Variants in NOL6 observed in about 807,000 individuals in gnomAD.
NOL6 encodes nucleolar protein 6, also known as nucleolar RNA-associated protein.
Under a neutral mutation model 131.7 loss-of-function variants are expected in NOL6, and 33 were observed. The ratio of observed to expected loss-of-function variants is 0.25; its 90% confidence interval spans 0.19 to 0.33. NOL6 has a LOEUF of 0.33. Among genes scored for constraint, NOL6 ranks in the 10% least tolerant of loss-of-function variants. The probability of loss-of-function intolerance (pLI) is 1.00; values close to 1 mark genes in which losing one functional copy is unlikely to be tolerated. For synonymous variants in NOL6, 580 were observed against 605.7 expected (o/e 0.96, Z 0.62); for missense variants, 1,297 against 1,494.5 (o/e 0.87, Z 2.18).
In NOL6 at chr9:33,465,330, C is replaced by A; in HGVS notation, c.2558G>T (p.Gly853Val). 1 of 1,592,988 alleles carries A rather than the reference C, an allele frequency of 6.3e-7. No individual in the cohort carries two copies. ...GLQQQHPAFS[G>V]VARLAKRWVR... Reference sequence around the variant, plus strand: ...CCACCGCTTGGCCAGCCGTGCCACACCAGAGAAGGCTGGGTGCTGCTGCTG... The same window carrying A: ...CCACCGCTTGGCCAGCCGTGCCACAACAGAGAAGGCTGGGTGCTGCTGCTG... The change falls in exon 20 of 26, where the codon GGT becomes GTT. Residue 853 changes from glycine to valine, a missense_variant. Transcript: ENST00000297990.
Position 33,472,213 on chromosome 9 carries a change from C to T in NOL6, c.254G>A (p.Arg85His), listed in dbSNP as rs370047243. 1.3e-4 allele frequency: 216 copies of T among 1,614,208 alleles called. 1 individual carries two copies. The South Asian group carries it at 1.4e-3, about 10-fold the overall frequency. The change falls in exon 2 of 26, where the codon CGT becomes CAT. Residue 85 changes from arginine to histidine, a missense_variant. Physicochemically the swap from Arg to His is conservative, Grantham distance 29 (BLOSUM62 0). Coordinates refer to ENST00000297990, the MANE Select transcript of NOL6 (RefSeq NM_022917.5). ...TEILFHSSLL[R>H]LQVEELLKEV... ...GCAGACACTCAACAGTACCTGTAAACGAAGCAAGCTGGAGTGGAACAAGAT... is the reference window on the plus strand; with the variant it reads ...GCAGACACTCAACAGTACCTGTAAATGAAGCAAGCTGGAGTGGAACAAGAT...
At chr9:33,468,650 T>G in intron 8 of NOL6, 84 bp from the exon 9 acceptor site, 1 of 1,608,584 alleles carries the variant, frequency 6.2e-7, no homozygotes. Flanking sequence ...CGATTCAGTT[T>G]GCTCATCTGT....
At chr9:33,470,283 G>A in intron 3 of NOL6, 92 bp from the exon 4 acceptor site, 1 of 1,141,890 alleles carries the variant, frequency 8.8e-7, no homozygotes, top group Non-Finnish European at 1.2e-6. Context: ...ACATCGATAT[G>A]TTTGAAACCA....
chr9:33,465,827 G>A lies in NOL6; in HGVS notation c.2435C>T (p.Pro812Leu), dbSNP rs1827224121. The change falls in exon 19 of 26, where the codon CCA (proline) becomes CTA (leucine). Residue 812 changes from proline (P) to leucine (L), a missense_variant. Coordinates refer to ENST00000297990, the MANE Select transcript of NOL6 (RefSeq NM_022917.5). ...GTCCCTCAGCGAGATCATCCCCTCTGGGCTCTGCACCTCCTTCAGGATCTG... is the reference window on the plus strand; with the variant it reads ...GTCCCTCAGCGAGATCATCCCCTCTAGGCTCTGCACCTCCTTCAGGATCTG... ...EPQILKEVQS[P>L]EGMISLRDTA... The A allele has an allele frequency of 6.2e-7, 1 of 1,614,128 alleles. No homozygotes were observed.
At chr9:33,470,242 T>C (rs577926244) in intron 3 of NOL6, 51 bp from the exon 4 acceptor site, 3 of 1,422,994 alleles carry the variant, frequency 2.1e-6, no homozygotes, top group African/African-American at 1.4e-5. Context: ...CTTCCTCACA[T>C]GTACCCTTTA....
rs970104140 is a variant in NOL6 at position 33,463,816 on chromosome 9, T to G, written c.2994+15A>C. On this transcript the variant is annotated intron_variant, in intron 23 of 25. Transcript: ENST00000297990. ...TCCCCAGAGGCCCTGGAGTCACTGC[T>G]GGTCAGAAGCTTACCCTGATGTCCC... 6.2e-7 allele frequency: 1 copy of G among 1,613,472 alleles called. No individual in the cohort carries two copies. Among genetic ancestry groups the G allele is most frequent in the African/African-American group, 1.3e-5 (1 of 74,920 alleles).
rs1194584047 is a variant in NOL6 at position 33,466,184 on chromosome 9, C to T, written c.2251G>A (p.Ala751Thr). Reference protein sequence around the residue: ...LEGSGQWPQDAEAVQRVRAAF... With the variant: ...LEGSGQWPQDTEAVQRVRAAF... The stretch of plus-strand genomic sequence containing the variant: ...GCTCGGACCCGCTGCACGGCCTCAG[C>T]GTCCTGTGGCCACTGGCCACTGCCC... The change falls in exon 18 of 26, where the codon GCT becomes ACT. Residue 751 changes from alanine to threonine, a missense_variant. Physicochemically the swap from Ala to Thr is moderately conservative, Grantham distance 58. Coordinates refer to ENST00000297990, the MANE Select transcript of NOL6 (RefSeq NM_022917.5). 15 of 1,612,730 alleles carry T rather than the reference C, an allele frequency of 9.3e-6. No individual in the cohort carries two copies. Among genetic ancestry groups the T allele is most frequent in the African/African-American group, 1.3e-5 (1 of 74,926 alleles).
At position 33,464,934 on chromosome 9, in the gene NOL6, T is replaced by C. The variant is rs764906961; in HGVS notation, c.2724A>G (p.Ser908=). The change falls in exon 21 of 26, where the codon TCA becomes TCG. Residue 908 remains serine, a synonymous_variant. Transcript: ENST00000297990. The part of the protein sequence containing the change: ...VGFLRFLFLV[S]TFDWKNNPLF... Reference sequence around the variant, plus strand: ...GGGGGTTGTTCTTCCAATCAAACGTTGATACCAAGAAAAGGAATCGAAGGA... The same window carrying C: ...GGGGGTTGTTCTTCCAATCAAACGTCGATACCAAGAAAAGGAATCGAAGGA... The C allele has an allele frequency of 1.9e-6, 3 of 1,614,016 alleles. No individual in the cohort carries two copies. In the South Asian group the frequency reaches 3.3e-5, roughly 18 times the overall value.
chr9:33,466,878 C>G, intron 15 of NOL6, 34 bp downstream of exon 15: 1 of 1,607,418 alleles, frequency 6.2e-7, no homozygotes, highest in Non-Finnish European at 8.5e-7. Flanking sequence ...ATTGATTACT[C>G]TACAATCACT....
In NOL6 at chr9:33,463,393, A is replaced by T; in HGVS notation, c.3043T>A (p.Ser1015Thr). Reference sequence around the variant, plus strand: ...CGGTGCCGCGGGATATGGCGAGGAGACAGGCGAATCAGCACGTCGTAAATG... The same window carrying T: ...CGGTGCCGCGGGATATGGCGAGGAGTCAGGCGAATCAGCACGTCGTAAATG... ...LDIYDVLIRL[S>T]PRHIPRHRQA... is the part of the protein sequence containing the mutation. Residue 1015 changes from serine to threonine, a missense_variant, in exon 24 of 26, where the codon TCT (serine) becomes ACT (threonine). Transcript: ENST00000297990. 1 of 1,613,990 alleles carries T rather than the reference A, an allele frequency of 6.2e-7. No individual in the cohort carries two copies. Among genetic ancestry groups the T allele is most frequent in the South Asian group, 1.1e-5 (1 of 91,052 alleles).
In NOL6 at chr9:33,470,179, C is replaced by A. The variant is rs1827370344; in HGVS notation, c.391G>T (p.Ala131Ser). Residue 131 changes from alanine to serine, a missense_variant, in exon 4 of 26, where the codon GCA (alanine) becomes TCA (serine). By Grantham distance (99) the Ala-to-Ser change is moderately conservative (BLOSUM62 1). Coordinates refer to ENST00000297990, the MANE Select transcript of NOL6 (RefSeq NM_022917.5). ...ACTCGAACCCCAGCTGGGAGCCATGCCTGGTCAGTGAGCTGTGGGGGCAGA... is the reference window on the plus strand; with the variant it reads ...ACTCGAACCCCAGCTGGGAGCCATGACTGGTCAGTGAGCTGTGGGGGCAGA... Reference protein sequence around the residue: ...SVPETELTDQAWLPAGVRVPL... With the variant: ...SVPETELTDQSWLPAGVRVPL... 3 of 1,583,938 alleles carry A rather than the reference C, an allele frequency of 1.9e-6. No individual in the cohort carries two copies. The highest frequency in any genetic ancestry group is 2.3e-5 in the South Asian group (2 of 87,574).
At chr9:33,468,226 C>A in intron 10 of NOL6, 81 bp from the exon 11 acceptor site, 1 of 1,609,948 alleles carries the variant, frequency 6.2e-7, no homozygotes, top group Non-Finnish European at 8.5e-7. Flanking sequence ...AAACTTAACT[C>A]TTTGAAGAGG....
rs961853822 is a variant in NOL6 at position 33,462,119 on chromosome 9, C to G, written c.*545G>C. 7.0e-6 allele frequency: 5 copies of G among 717,260 alleles called. No homozygotes were observed. In the African/African-American group the frequency reaches 8.7e-5, roughly 13 times the overall value. The allele number at this position is 717,260 out of a possible 1,614,324, so 44.4% of individuals were successfully genotyped here. A position where few individuals can be genotyped will look rare whatever the true frequency, so the allele number is the denominator to read the frequency against. On this transcript the variant is annotated 3_prime_UTR_variant, in exon 26 of 26. Transcript: ENST00000297990. ...ATCAACACAGGAGGGCATTGTGCTC[C>G]TTCAATGTGGTCTATTCATACACAT...
In NOL6 at chr9:33,467,050, G is replaced by A; in HGVS notation, c.1875-63C>T. 1 of 1,613,304 alleles carries A rather than the reference G, an allele frequency of 6.2e-7. No individual in the cohort carries two copies. Among genetic ancestry groups the A allele is most frequent in the Non-Finnish European group, 8.5e-7 (1 of 1,179,342 alleles). Reference sequence around the variant, plus strand: ...GCTATGTTCTCGCTCAACTGCCTGGGCCAGACCCCTGAAAAGGCTCCCCAG... The same window carrying A: ...GCTATGTTCTCGCTCAACTGCCTGGACCAGACCCCTGAAAAGGCTCCCCAG... On this transcript the variant is annotated intron_variant, in intron 14 of 25. Coordinates refer to ENST00000297990, the MANE Select transcript of NOL6 (RefSeq NM_022917.5). The surrounding 1 kb of genome is among the most constrained non-coding windows in gnomAD (Gnocchi z 4.4).
In NOL6 at chr9:33,473,776, T is replaced by C. The variant is rs1827478889; in HGVS notation, c.54+13A>G. On this transcript the variant is annotated intron_variant, in intron 1 of 25. Coordinates refer to ENST00000297990, the MANE Select transcript of NOL6 (RefSeq NM_022917.5). ...ACATTGAGCCTCTGTTCCTCCCCGA[T>C]GGCTCAACCCACCTCTGGCTCTCCA... 6.2e-7 allele frequency: 1 copy of C among 1,611,924 alleles called. No individual in the cohort carries two copies. The highest frequency in any genetic ancestry group is 8.5e-7 in the Non-Finnish European group (1 of 1,179,982).
intron 16 of NOL6, 47 bp downstream of exon 16, chr9:33,466,522 A>C: frequency 6.2e-7 from 1 of 1,612,644 alleles, no homozygotes; most frequent in East Asian, 2.2e-5. Flanking sequence ...ACTGGAGCAG[A>C]GGTGGGGCCA....
intron 21 of NOL6, 23 bp downstream of exon 21, chr9:33,464,856 C>T: frequency 6.4e-7 from 1 of 1,552,862 alleles, no homozygotes; most frequent in Non-Finnish European, 8.9e-7. Flanking sequence ...TTCCAGCAGT[C>T]TGACCCCTGT....
rs184298169 is a variant in NOL6, at chr9:33,467,154, G to A, written c.1834C>T (p.Arg612Cys). ...GTGACCACCTGGTGGGGAATAAGGC[G>A]CTTCTGGGACATAGAGGCTGCCTCC... is the stretch of plus-strand genomic sequence containing the variant. Reference protein sequence around the residue: ...VWEAASMSQKRLIPHQVVTHL... With the variant: ...VWEAASMSQKCLIPHQVVTHL... Residue 612 changes from arginine to cysteine, a missense_variant, in exon 14 of 26, where the codon CGC becomes TGC. Coordinates refer to ENST00000297990, the MANE Select transcript of NOL6 (RefSeq NM_022917.5). The surrounding 1 kb of genome is among the most constrained non-coding windows in gnomAD (Gnocchi z 4.4). 3.0e-4 allele frequency: 485 copies of A among 1,614,180 alleles called. 1 individual carries two copies. The Middle Eastern group carries it at 3.5e-3, about 12-fold the overall frequency.
intron 9 of NOL6, 38 bp from the exon 10 acceptor site, chr9:33,468,460 C>T: frequency 1.2e-6 from 2 of 1,613,932 alleles, no homozygotes; most frequent in East Asian, 2.2e-5. Context: ...AGGATTGGCA[C>T]CTTACTTGCA....
Sources: allele counts gnomAD v4.1 joint callset, GRCh38; gene constraint gnomAD v4.1.1; non-coding constraint Gnocchi (gnomAD v3.1); transcripts MANE v1.5; gene names NCBI Gene and HGNC (gene_info 2026-07-23, HGNC 2026-07-21).